Variants in PMP22 observed in about 807,000 individuals in gnomAD.
The protein encoded by PMP22 is peripheral myelin protein 22, also known as Charcot-Marie-Tooth neuropathy 1A (greatly reduced nerve conduction velocity, hereditary motor sensory neuropathy Ia).
In PMP22, 2 loss-of-function variants were observed where a neutral mutation model predicts 18.9. That is an observed-to-expected ratio of 0.11 (90% confidence interval 0.04 to 0.33). The LOEUF is 0.33. Ranked by LOEUF, PMP22 falls within the 10% of genes least tolerant of loss-of-function variation. The pLI, the probability that PMP22 is intolerant of heterozygous loss-of-function variation, is 1.00. For synonymous variants in PMP22, 95 were observed against 89.2 expected (o/e 1.07, Z -0.37); for missense variants, 169 against 202.2 (o/e 0.84, Z 1.00).
Position 15,260,689 on chromosome 17 carries a change from G to C in PMP22, c.39C>G (p.Val13=). The C allele has an allele frequency of 1.3e-6, 2 of 1,553,618 alleles. No individual in the cohort carries two copies. Among genetic ancestry groups the C allele is most frequent in the South Asian group, 1.2e-5 (1 of 84,134 alleles). ...AGACGAACAGCAGCACCAGCACCGC[G>C]ACGTGGAGGACGATGATACTCAGCA... The part of the protein sequence containing the change: ...LLLLSIIVLH[V]AVLVLLFVST... The change falls in exon 2 of 5, where the codon GTC becomes GTG. Residue 13 remains valine, a synonymous_variant. Coordinates refer to ENST00000312280, the MANE Select transcript of PMP22 (RefSeq NM_000304.4).
chr17:15,234,736 T>A (rs998558320), intron 4 of PMP22, among the ~76,000 whole-genome samples: 6 of 152,010 alleles, frequency 3.9e-5, no homozygotes, highest in Admixed American at 3.9e-4. Flanking sequence ...CTAAATGTGG[T>A]ATTTGACTTA....
intron 3 of PMP22, among the ~76,000 whole-genome samples, chr17:15,249,560 G>T (rs1196382241): frequency 6.6e-6 from 1 of 152,198 alleles, no homozygotes; most frequent in Non-Finnish European, 1.5e-5. Flanking sequence ...AAGGAGAATG[G>T]TGTGGCAAAG....
chr17:15,249,647 G>A (rs974837321), intron 3 of PMP22, among the ~76,000 whole-genome samples: 11 of 152,180 alleles, frequency 7.2e-5, no homozygotes, highest in African/African-American at 2.4e-4. Context: ...AGGGCAAGAA[G>A]AGGCCCTGCT....
chr17:15,255,684 C>A (rs879745945), intron 3 of PMP22, among the ~76,000 whole-genome samples: 1 of 152,174 alleles, frequency 6.6e-6, no homozygotes, highest in Non-Finnish European at 1.5e-5. Context: ...CCAGTCTACC[C>A]CATCCCCTGC....
chr17:15,253,466 T>A (rs576080333), intron 3 of PMP22, among the ~76,000 whole-genome samples: 21 of 152,308 alleles, frequency 1.4e-4, no homozygotes, highest in African/African-American at 5.1e-4. Context: ...GTACAATTTC[T>A]GATATATTCT....
rs1187436560 is a variant in PMP22 at position 15,261,891 on chromosome 17, G to A, written c.-34-1130C>T. ...GGGACCATTTTAGGCAGAGTCTTGG[G>A]CCAGGGAGACAACGTTTCAATAACC... On this transcript the variant is annotated intron_variant, in intron 1 of 4. Coordinates refer to ENST00000312280, the MANE Select transcript of PMP22 (RefSeq NM_000304.4). The surrounding 1 kb of genome is among the most constrained non-coding windows in gnomAD (Gnocchi z 5.2). The A allele has an allele frequency of 6.6e-6, 1 of 152,230 alleles. No homozygotes were observed. Among genetic ancestry groups the A allele is most frequent in the Non-Finnish European group, 1.5e-5 (1 of 68,042 alleles). 9.4% of individuals were successfully genotyped at this position (152,230 alleles called of 1,614,324 possible).
intron 3 of PMP22, among the ~76,000 whole-genome samples, chr17:15,241,146 C>T (rs1415814342): frequency 1.3e-5 from 2 of 152,120 alleles, no homozygotes; most frequent in Admixed American, 6.5e-5. Flanking sequence ...GCACTCTTCA[C>T]ATTCAAGCAC....
At chr17:15,262,667 G>GGGGCAGGAGAGAGGGA (rs1909439092) in intron 1 of PMP22, 2 of 152,642 alleles carry the variant, frequency 1.3e-5, no homozygotes, top group Non-Finnish European at 2.9e-5. Context: ...GGGAGGAGAG[G>GGGGCAGGAGAGAGGGA]GGGCAGGAGA....
intron 4 of PMP22, among the ~76,000 whole-genome samples, chr17:15,237,381 G>T (rs1387456926): frequency 6.6e-6 from 1 of 152,214 alleles, no homozygotes; most frequent in Non-Finnish European, 1.5e-5. Context: ...GAATGAAGAT[G>T]AAGGTACTGG....
At chr17:15,259,809 C>A (rs1160781314) in intron 2 of PMP22, among the ~76,000 whole-genome samples, 2 of 150,756 alleles carry the variant, frequency 1.3e-5, no homozygotes, top group African/African-American at 2.4e-5. Context: ...ATTAGCCAGG[C>A]GTGGTGGCGG....
intron 3 of PMP22, among the ~76,000 whole-genome samples, chr17:15,242,251 CAAAAAAAA>C (rs59075019): frequency 4.4e-3 from 240 of 54,810 alleles, no homozygotes; most frequent in Non-Finnish European, 6.8e-3. Flanking sequence ...GACTCTGTCT[CAAAAAAAA>C]AAAAAAAAAA....
rs1441029491 is a variant in PMP22 at position 15,229,957 on chromosome 17, C to G, written c.*960G>C. The G allele has an allele frequency of 1.3e-5, 2 of 152,630 alleles. No homozygotes were observed. 9.5% of individuals were successfully genotyped at this position (152,630 alleles called of 1,614,324 possible). ...GACAGTCCTTGGAGGCACAGAACAG[C>G]CTAGACCCAGCCAAGCTCTAGGAAC... On this transcript the variant is annotated 3_prime_UTR_variant, in exon 5 of 5. Transcript: ENST00000312280.
chr17:15,261,574 A>G lies in PMP22; in HGVS notation c.-34-813T>C, dbSNP rs1455101701. ...GTGCTCGCCTAGGGGTCCAGTCTGC[A>G]CCCCAGGCACTCAAAGCCAGGACAC... On this transcript the variant is annotated intron_variant, in intron 1 of 4. Coordinates refer to ENST00000312280, the MANE Select transcript of PMP22 (RefSeq NM_000304.4). The surrounding 1 kb of genome is among the most constrained non-coding windows in gnomAD (Gnocchi z 5.2). The G allele has an allele frequency of 3.3e-5, 5 of 152,144 alleles. No homozygotes were observed. 9.4% of individuals were successfully genotyped at this position (152,144 alleles called of 1,614,324 possible).
intron 1 of PMP22, among the ~76,000 whole-genome samples, chr17:15,263,661 A>G (rs1909521336): frequency 6.6e-6 from 1 of 152,132 alleles, no homozygotes; most frequent in African/African-American, 2.4e-5. Context: ...TGATTCAAAT[A>G]ATTCTATATT....
At chr17:15,235,178 A>C in intron 4 of PMP22, 1 of 716,962 alleles carries the variant, frequency 1.4e-6, no homozygotes, top group Non-Finnish European at 2.6e-6. Context: ...AACAAAACAA[A>C]TGAACAACAA....
intron 1 of PMP22, chr17:15,262,672 A>C (rs1397678177): frequency 6.6e-6 from 1 of 152,634 alleles, no homozygotes; most frequent in East Asian, 1.9e-4. Flanking sequence ...GAGAGGGGGC[A>C]GGAGAGAGGG....
intron 4 of PMP22, among the ~76,000 whole-genome samples, chr17:15,237,925 T>A (rs960325841): frequency 6.6e-6 from 1 of 152,068 alleles, no homozygotes; most frequent in African/African-American, 2.4e-5. Context: ...TAAATCCATA[T>A]TATCTTGAGG....
At chr17:15,236,767 A>G (rs1266310118) in intron 4 of PMP22, among the ~76,000 whole-genome samples, 1 of 152,218 alleles carries the variant, frequency 6.6e-6, no homozygotes, top group Non-Finnish European at 1.5e-5. Context: ...CGATAAGGGA[A>G]CCAGGAACTC....
chr17:15,250,306 C>T (rs916023252), intron 3 of PMP22, among the ~76,000 whole-genome samples: 7 of 152,128 alleles, frequency 4.6e-5, no homozygotes, highest in African/African-American at 1.7e-4. Context: ...CCTGTACCCT[C>T]GTTAACCCCT....
Sources: allele counts gnomAD v4.1 joint callset (sites outside exome capture counted in the v4.1 genomes callset), GRCh38; gene constraint gnomAD v4.1.1; non-coding constraint Gnocchi (gnomAD v3.1); transcripts MANE v1.5; gene names NCBI Gene and HGNC (gene_info 2026-07-23, HGNC 2026-07-21).